Variants in NUDT16L1 observed in about 807,000 individuals in gnomAD.
The protein encoded by NUDT16L1 is nudix hydrolase 16 like 1, also known as tudor-interacting repair regulator protein.
Under a neutral mutation model 17.3 loss-of-function variants are expected in NUDT16L1, and 19 were observed. The observed-to-expected ratio is 1.10, with a 90% CI of 0.77 to 1.61. The LOEUF (loss-of-function observed/expected upper bound fraction) is 1.61. Among genes scored for constraint, NUDT16L1 ranks in the 40% most tolerant of loss-of-function variants. The pLI, the probability that NUDT16L1 is intolerant of heterozygous loss-of-function variation, is 0.00. For synonymous variants in NUDT16L1, 255 were observed against 138.6 expected, an observed-to-expected ratio of 1.84 and a Z score of -5.90; for missense variants, 341 against 292.0, an observed-to-expected ratio of 1.17 and a Z score of -1.22.
chr16:4,694,679 G>A (rs1596330312), intron 2 of NUDT16L1: 1 of 1,423,026 alleles, frequency 7.0e-7, no homozygotes, highest in Non-Finnish European at 9.2e-7. Context: ...GCTTCGTTGG[G>A]TGGACGGGGG....
chr16:4,695,338 C>T (rs566071174), exon 3 of NUDT16L1: 168 of 748,734 alleles, frequency 2.2e-4, no homozygotes, highest in East Asian at 1.3e-3. Context: ...CACTAGGTGG[C>T]GGCCGGGCCA....
chr16:4,694,480 T>C (rs1043927765), intron 2 of NUDT16L1: 2 of 1,522,898 alleles, frequency 1.3e-6, no homozygotes, highest in Admixed American at 2.0e-5. Context: ...CTGCCTGCCA[T>C]TGCCAATCCT....
chr16:4,695,024 C>T lies in NUDT16L1; in HGVS notation c.481C>T (p.Leu161=), dbSNP rs1422163833. ...CCGAGTCGGAGGCTTCCCCAACTTC[C>T]TGAGCAACGCCTTCGTGAGCACGGC... is the stretch of plus-strand genomic sequence containing the variant. Residue 161 remains leucine, a synonymous_variant, in exon 3 of 3, where the codon CTG becomes TTG. Transcript: ENST00000304301. The T allele has an allele frequency of 8.7e-6, 14 of 1,613,294 alleles. No individual in the cohort carries two copies. Among genetic ancestry groups the T allele is most frequent in the Non-Finnish European group, 1.2e-5 (14 of 1,180,022 alleles).
chr16:4,694,070 G>T, exon 2 of NUDT16L1: 1 of 1,588,830 alleles, frequency 6.3e-7, no homozygotes, highest in Non-Finnish European at 8.5e-7. Flanking sequence ...ACCGGGTGCT[G>T]GGCCTGGGCC....
exon 3 of NUDT16L1, chr16:4,695,065 C>G (rs745927805): frequency 6.2e-7 from 1 of 1,613,628 alleles, no homozygotes; most frequent in Non-Finnish European, 8.5e-7. Context: ...GCCAGCTCCT[C>G]TTTGCCCTCA....
At chr16:4,693,606 C>G, upstream of NUDT16L1, 1 of 1,177,214 alleles carries the variant, frequency 8.5e-7, no homozygotes, top group Non-Finnish European at 1.1e-6. Flanking sequence ...CCGGGGCGCG[C>G]CGGCGATTGG....
chr16:4,695,216 G>T, exon 3 of NUDT16L1: 1 of 1,593,492 alleles, frequency 6.3e-7, no homozygotes, highest in Non-Finnish European at 8.6e-7. Flanking sequence ...CCCTGGGCCG[G>T]AAGACTGGGA....
chr16:4,694,464 G>C, intron 2 of NUDT16L1: 1 of 1,524,140 alleles, frequency 6.6e-7, no homozygotes, highest in Non-Finnish European at 8.8e-7. Flanking sequence ...TGTTACATCC[G>C]CCTTGCTGCC....
exon 3 of NUDT16L1, chr16:4,695,213 C>A: frequency 6.3e-7 from 1 of 1,596,502 alleles, no homozygotes; most frequent in Non-Finnish European, 8.6e-7. Context: ...CTCCCCTGGG[C>A]CGGAAGACTG....
intron 2 of NUDT16L1, 186 bp downstream of exon 2, chr16:4,694,424 G>T (rs1385015602): frequency 1.6e-6 from 2 of 1,277,630 alleles, no homozygotes; most frequent in Admixed American, 2.1e-5. Flanking sequence ...GGCGGGGGTG[G>T]GGGCCGGCGC....
At chr16:4,695,749 G>GTGGCT (rs922766114) in exon 3 of NUDT16L1, 59 of 398,132 alleles carry the variant, frequency 1.5e-4, no homozygotes, top group African/African-American at 1.1e-3. Flanking sequence ...TTCACCCCAC[G>GTGGCT]TGGCTTGGTT....
exon 3 of NUDT16L1, chr16:4,695,410 C>T (rs1016276742): frequency 6.4e-5 from 38 of 595,890 alleles, no homozygotes; most frequent in African/African-American, 3.9e-4. Context: ...GGGCCTGCCT[C>T]TCCAGCCTCA....
Position 4,694,821 on chromosome 16 carries a change from G to A in NUDT16L1, c.415-137G>A, listed in dbSNP as rs931356811. 2.8e-6 allele frequency: 4 copies of A among 1,452,118 alleles called. No individual in the cohort carries two copies. In the South Asian group the frequency reaches 4.3e-5, roughly 16 times the overall value. 90.0% of individuals were successfully genotyped at this position (1,452,118 alleles called of 1,614,324 possible). A position where few individuals can be genotyped will look rare whatever the true frequency, so the allele number is the denominator to read the frequency against. ...GAGGGAGCTGGCTGGCTTCTGCCAG[G>A]CCCTGCGTGGGTCTCCCATTAAGTC... On this transcript the variant is annotated intron_variant, in intron 2 of 2. Coordinates refer to ENST00000304301, the Ensembl canonical transcript of NUDT16L1.
upstream of NUDT16L1, chr16:4,693,626 C>G (rs1208810909): frequency 1.6e-6 from 2 of 1,274,322 alleles, no homozygotes; most frequent in East Asian, 3.3e-5. Context: ...GCGGGGGAAC[C>G]GGACCCGGGG....
exon 3 of NUDT16L1, chr16:4,695,148 C>G: frequency 6.2e-7 from 1 of 1,613,128 alleles, no homozygotes. Context: ...CAGAAGAAGG[C>G]CCTGGAGAAG....
At position 4,694,907 on chromosome 16, in the gene NUDT16L1, G is replaced by T. The variant is rs1030764067; in HGVS notation, c.415-51G>T. 12 of 1,555,946 alleles carry T rather than the reference G, an allele frequency of 7.7e-6. No homozygotes were observed. The East Asian group carries it at 1.4e-4, about 19-fold the overall frequency. ...AGCTTCCAGGCCCCTCCTGCTGGAGGTGCCATTGTGTGGCAGGCCTGGCCC... is the reference window on the plus strand; with the variant it reads ...AGCTTCCAGGCCCCTCCTGCTGGAGTTGCCATTGTGTGGCAGGCCTGGCCC... On this transcript the variant is annotated intron_variant, in intron 2 of 2. Transcript: ENST00000304301.
At chr16:4,694,811 C>T (rs948186375) in intron 2 of NUDT16L1, 147 bp from the exon 3 acceptor site, 28 of 1,446,048 alleles carry the variant, frequency 1.9e-5, no homozygotes, top group Admixed American at 1.6e-4. Flanking sequence ...AGCTGGCTGG[C>T]TTCTGCCAGG....
Position 4,695,039 on chromosome 16 carries a change from G to C in NUDT16L1, c.496G>C (p.Val166Leu), listed in dbSNP as rs754068320. 1.2e-6 allele frequency: 2 copies of C among 1,613,362 alleles called. No individual in the cohort carries two copies. Among genetic ancestry groups the C allele is most frequent in the Non-Finnish European group, 8.5e-7 (1 of 1,179,996 alleles). The stretch of plus-strand genomic sequence containing the variant: ...CCCCAACTTCCTGAGCAACGCCTTC[G>C]TGAGCACGGCTAAGTGCCAGCTCCT... Residue 166 changes from valine to leucine, a missense_variant, in exon 3 of 3, where the codon GTG (valine) becomes CTG (leucine). Val to Leu is a conservative substitution (Grantham distance 32). Coordinates refer to ENST00000304301, the Ensembl canonical transcript of NUDT16L1.
exon 3 of NUDT16L1, chr16:4,695,757 G>A (rs2079528663): frequency 5.0e-6 from 2 of 398,054 alleles, no homozygotes; most frequent in Non-Finnish European, 8.8e-6. Flanking sequence ...ACGTGGCTTG[G>A]TTCCCAGGGA....
Sources: allele counts gnomAD v4.1 joint callset, GRCh38; gene constraint gnomAD v4.1.1; transcripts MANE v1.5; gene names NCBI Gene and HGNC (gene_info 2026-07-23, HGNC 2026-07-21).